Variants in PRCC observed in about 807,000 individuals in gnomAD.
PRCC encodes the protein proline rich mitotic checkpoint control factor.
PRCC carries 10 observed loss-of-function variants against 44.0 expected under a neutral mutation model. That is an observed-to-expected ratio of 0.23 (90% CI 0.14 to 0.39). The LOEUF (loss-of-function observed/expected upper bound fraction) is 0.39, where lower values mean the gene tolerates loss of function less well. Ranked by LOEUF, PRCC falls within the 10% of genes least tolerant of loss-of-function variation. The pLI is 1.00. For missense variants in PRCC, 573 were observed against 624.7 expected, an observed-to-expected ratio of 0.92 and a Z score of 0.88; for synonymous variants, 278 against 259.5, an observed-to-expected ratio of 1.07 and a Z score of -0.69.
At position 156,774,157 on chromosome 1, in the gene PRCC, C is replaced by CTTTTTTTTTTTTTTTTT. The variant is rs76271348; in HGVS notation, c.468+5938_468+5954dup. On this transcript the variant is annotated intron_variant, in intron 1 of 6. Coordinates refer to ENST00000271526, the MANE Select transcript of PRCC (RefSeq NM_005973.5). ...GAGTTTCTTTCTTTTTTTGAGTCAC[C>CTTTTTTTTTTTTTTTTT]TTTTTTTTTTTTTTTTTTTTTTTTT... is the stretch of plus-strand genomic sequence containing the variant. Among the ~76,000 whole-genome samples the CTTTTTTTTTTTTTTTTT allele has an allele frequency of 4.3e-4, 23 of 53,998 alleles. 6 individuals are homozygous for CTTTTTTTTTTTTTTTTT. The highest frequency in any genetic ancestry group is 5.2e-4 in the Non-Finnish European group (16 of 31,012). The allele number at this position is 53,998 out of a possible 152,430, so 35.4% of individuals were successfully genotyped here.
intron 1 of PRCC, among the ~76,000 whole-genome samples, chr1:156,775,986 G>A (rs184611085): frequency 6.6e-6 from 1 of 152,154 alleles, no homozygotes; most frequent in South Asian, 2.1e-4. Context: ...TCATTTTAGT[G>A]TTCTGTTTCA....
At chr1:156,792,339 C>T (rs550601595) in intron 4 of PRCC, among the ~76,000 whole-genome samples, 6 of 152,160 alleles carry the variant, frequency 3.9e-5, no homozygotes, top group Admixed American at 1.3e-4. Context: ...GGAACACTTC[C>T]CCTCGCTTTC....
chr1:156,769,672 T>C (rs1407904764), intron 1 of PRCC, among the ~76,000 whole-genome samples: 3 of 152,186 alleles, frequency 2.0e-5, no homozygotes, highest in Non-Finnish European at 2.9e-5. Flanking sequence ...CGATCTCTGC[T>C]CACTGCAAGC....
intron 3 of PRCC, 30 bp downstream of exon 3, chr1:156,787,204 G>A: frequency 6.4e-7 from 1 of 1,560,378 alleles, no homozygotes; most frequent in South Asian, 1.2e-5. Context: ...GGCAGGCGAG[G>A]GAATGTTGGA....
At chr1:156,799,896 T>G (rs937995694) in intron 6 of PRCC, among the ~76,000 whole-genome samples, 1 of 151,020 alleles carries the variant, frequency 6.6e-6, no homozygotes, top group Non-Finnish European at 1.5e-5. Context: ...CACACTGTAT[T>G]CAACACAACT....
chr1:156,792,608 C>T (rs1436685481), intron 4 of PRCC, among the ~76,000 whole-genome samples: 1 of 152,054 alleles, frequency 6.6e-6, no homozygotes, highest in African/African-American at 2.4e-5. Context: ...CATGTGCCAC[C>T]ATGTCCAGCT....
intron 4 of PRCC, among the ~76,000 whole-genome samples, chr1:156,792,238 C>T (rs1179943576): frequency 6.6e-6 from 1 of 151,688 alleles, no homozygotes; most frequent in Non-Finnish European, 1.5e-5. Context: ...CATCCCTAGG[C>T]TGTGGCCTTT....
chr1:156,800,617 C>T lies in PRCC; in HGVS notation c.*157C>T, dbSNP rs1652803970. On this transcript the variant is annotated 3_prime_UTR_variant, in exon 7 of 7. Transcript: ENST00000271526. ...GAATGAACATATTTGATAGATTTTT[C>T]TTAACAAGTTAGAAAATTCAGCTCC... 1.4e-6 allele frequency: 1 copy of T among 706,302 alleles called. No individual in the cohort carries two copies. Among genetic ancestry groups the T allele is most frequent in the African/African-American group, 1.8e-5 (1 of 55,770 alleles). The allele number at this position is 706,302 out of a possible 1,614,324, so 43.8% of individuals were successfully genotyped here. A position where few individuals can be genotyped will look rare whatever the true frequency, so the allele number is the denominator to read the frequency against.
Position 156,787,650 on chromosome 1 carries a change from C to CT in PRCC, c.1083+492dup, listed in dbSNP as rs56916626. On this transcript the variant is annotated intron_variant, in intron 3 of 6. Coordinates refer to ENST00000271526, the MANE Select transcript of PRCC (RefSeq NM_005973.5). ...AGTACCTGATAGGTAGGTTTTTGGC[C>CT]TTTTTTTTTTTTTTTTGGAGAAGGA... is the stretch of plus-strand genomic sequence containing the variant. 1.5e-4 allele frequency among the ~76,000 whole-genome samples: 8 copies of CT among 54,174 alleles called. 1 individual carries two copies. The highest frequency in any genetic ancestry group is 1.4e-3 in the South Asian group (2 of 1,402). 35.5% of individuals were successfully genotyped at this position (54,174 alleles called of 152,430 possible).
intron 6 of PRCC, 32 bp downstream of exon 6, chr1:156,797,373 AG>A: frequency 1.9e-6 from 3 of 1,613,244 alleles, no homozygotes; most frequent in Non-Finnish European, 2.5e-6. Context: ...TGGCTCAGGC[AG>A]GATCTCTGTA....
intron 3 of PRCC, among the ~76,000 whole-genome samples, chr1:156,788,659 C>CTT (rs58867718): frequency 5.1e-4 from 49 of 95,266 alleles, no homozygotes; most frequent in Admixed American, 7.0e-4. Flanking sequence ...TTGCCAGCAT[C>CTT]TTTTTTTTTT....
chr1:156,770,567 G>T (rs1330218365), intron 1 of PRCC, among the ~76,000 whole-genome samples: 3 of 152,142 alleles, frequency 2.0e-5, no homozygotes, highest in Non-Finnish European at 4.4e-5. Context: ...AGAGACTGGG[G>T]TTTCTCCATG....
At chr1:156,779,381 T>A (rs1209271774) in intron 1 of PRCC, among the ~76,000 whole-genome samples, 3 of 151,808 alleles carry the variant, frequency 2.0e-5, no homozygotes, top group African/African-American at 7.3e-5. Flanking sequence ...TTATCATTAC[T>A]GAGACCAAGT....
At chr1:156,769,623 G>A (rs1325978623) in intron 1 of PRCC, among the ~76,000 whole-genome samples, 9 of 150,576 alleles carry the variant, frequency 6.0e-5, no homozygotes, top group Admixed American at 5.9e-4. Context: ...TTTTTGAGAC[G>A]GAGTCTCCCT....
At chr1:156,787,309 A>G in intron 3 of PRCC, 135 bp downstream of exon 3, 1 of 1,001,620 alleles carries the variant, frequency 1.0e-6, no homozygotes. Flanking sequence ...GCCACAGAAC[A>G]TACCTTTATT....
intron 5 of PRCC, among the ~76,000 whole-genome samples, chr1:156,795,113 T>C (rs1417743021): frequency 6.6e-6 from 1 of 152,102 alleles, no homozygotes; most frequent in Non-Finnish European, 1.5e-5. Context: ...CCACAGCTGC[T>C]CTACTCTTGC....
chr1:156,790,888 A>G (rs1030642368), intron 3 of PRCC, among the ~76,000 whole-genome samples: 6 of 152,166 alleles, frequency 3.9e-5, no homozygotes. Flanking sequence ...TATTAAACCT[A>G]TTTTCATTTA....
At chr1:156,784,164 G>T (rs954671727) in intron 2 of PRCC, among the ~76,000 whole-genome samples, 3 of 152,084 alleles carry the variant, frequency 2.0e-5, no homozygotes, top group African/African-American at 7.2e-5. Context: ...AGCCAGGATG[G>T]TCTCGATCTC....
intron 5 of PRCC, among the ~76,000 whole-genome samples, chr1:156,795,534 C>T (rs1281688404): frequency 1.3e-5 from 2 of 152,122 alleles, no homozygotes; most frequent in Non-Finnish European, 2.9e-5. Context: ...CCTACCCTGG[C>T]CTTGGCCTGC....
Sources: gnomAD v4.1 joint callset for allele counts (sites outside exome capture counted in the v4.1 genomes callset) on GRCh38, gnomAD v4.1.1 for gene constraint, MANE v1.5 for transcripts, NCBI Gene and HGNC (gene_info 2026-07-23, HGNC 2026-07-21) for gene names.